The following CNTNAP2 variants were observed in gnomAD, a reference collection of about 807,000 sequenced individuals.
The protein encoded by CNTNAP2 is contactin associated protein 2.
Under a neutral mutation model 155.2 loss-of-function variants are expected in CNTNAP2, and 98 were observed. The observed-to-expected ratio is 0.63, with a 90% CI of 0.54 to 0.75. The LOEUF is 0.75. CNTNAP2 is among the 30% of genes least tolerant of loss of function. CNTNAP2 has a pLI of 0.00. For synonymous variants in CNTNAP2, 651 were observed against 631.2 expected (o/e 1.03, Z -0.47); for missense variants, 1,727 against 1,688.1 (o/e 1.02, Z -0.40).
intron 1 of CNTNAP2, among the ~76,000 whole-genome samples, chr7:146,440,945 T>C (rs1028544482): frequency 2.6e-5 from 4 of 151,694 alleles, no homozygotes; most frequent in African/African-American, 9.8e-5. Flanking sequence ...TGATTGTACA[T>C]TTGGAATGTC....
intron 8 of CNTNAP2, among the ~76,000 whole-genome samples, chr7:147,265,768 G>A (rs186422334): frequency 2.0e-5 from 3 of 152,210 alleles, no homozygotes; most frequent in Non-Finnish European, 4.4e-5. Flanking sequence ...CTGGCATCCG[G>A]TCGGTGCCCC....
At position 147,528,125 on chromosome 7, in the gene CNTNAP2, T is replaced by C. The variant is rs73744142; in HGVS notation, c.1778-34013T>C. ...TGCACCTATATGTGGCCAAGCAGGCTCCCTTTGAGCCCAAGGAAGTCCATG... is the reference window on the plus strand; with the variant it reads ...TGCACCTATATGTGGCCAAGCAGGCCCCCTTTGAGCCCAAGGAAGTCCATG... On this transcript the variant is annotated intron_variant, in intron 11 of 23. Transcript: ENST00000361727. Among the ~76,000 whole-genome samples the C allele has an allele frequency of 7.6e-3, 1,163 of 152,314 alleles. 13 individuals carry two copies. Among genetic ancestry groups the C allele is most frequent in the African/African-American group, 0.027 (1,107 of 41,576 alleles).
At chr7:147,031,529 T>C (rs1799032164) in intron 3 of CNTNAP2, among the ~76,000 whole-genome samples, 1 of 152,222 alleles carries the variant, frequency 6.6e-6, no homozygotes. Flanking sequence ...AATAGAAATG[T>C]GCTACTGATA....
At chr7:146,549,191 A>T (rs1798078223) in intron 1 of CNTNAP2, among the ~76,000 whole-genome samples, 2 of 151,872 alleles carry the variant, frequency 1.3e-5, no homozygotes, top group South Asian at 2.1e-4. Flanking sequence ...TTTCTGAGAG[A>T]TGCATATGCT....
intron 1 of CNTNAP2, among the ~76,000 whole-genome samples, chr7:146,547,823 A>C (rs1798051167): frequency 6.9e-6 from 1 of 145,658 alleles, no homozygotes; most frequent in Admixed American, 6.9e-5. Flanking sequence ...ATAAATGCTC[A>C]CGGTGGAATT....
chr7:148,060,771 C>A (rs758182977), intron 15 of CNTNAP2, among the ~76,000 whole-genome samples: 13 of 152,226 alleles, frequency 8.5e-5, no homozygotes, highest in Middle Eastern at 3.4e-3. Context: ...TGTTATAGAT[C>A]CTCAGCGCTG....
At chr7:146,936,738 T>C (rs999843850) in intron 3 of CNTNAP2, among the ~76,000 whole-genome samples, 1 of 152,108 alleles carries the variant, frequency 6.6e-6, no homozygotes, top group African/African-American at 2.4e-5. Flanking sequence ...GACTGCTGAG[T>C]GTTTAAACTG....
intron 3 of CNTNAP2, among the ~76,000 whole-genome samples, chr7:146,917,766 A>G (rs748444182): frequency 3.3e-5 from 5 of 151,924 alleles, no homozygotes; most frequent in African/African-American, 9.7e-5. Flanking sequence ...TTCCTGTACA[A>G]TTTCTCTCTT....
intron 14 of CNTNAP2, among the ~76,000 whole-genome samples, chr7:147,961,544 G>A (rs1291914022): frequency 1.3e-5 from 2 of 152,136 alleles, no homozygotes; most frequent in Non-Finnish European, 2.9e-5. Context: ...TTTAGGAATG[G>A]CATTATTACA....
intron 13 of CNTNAP2, among the ~76,000 whole-genome samples, chr7:147,859,684 A>C (rs1017999293): frequency 6.6e-6 from 1 of 152,174 alleles, no homozygotes; most frequent in Non-Finnish European, 1.5e-5. Flanking sequence ...TTTCAATCTC[A>C]TCTCTTGACT....
At chr7:146,514,361 C>A (rs1797510834) in intron 1 of CNTNAP2, among the ~76,000 whole-genome samples, 1 of 151,978 alleles carries the variant, frequency 6.6e-6, no homozygotes, top group African/African-American at 2.4e-5. Context: ...GAAAATGACT[C>A]TTACATTTGC....
chr7:147,794,026 T>C (rs1444070906), intron 13 of CNTNAP2, among the ~76,000 whole-genome samples: 1 of 151,994 alleles, frequency 6.6e-6, no homozygotes, highest in Non-Finnish European at 1.5e-5. Context: ...TCTGCAACTT[T>C]GCTAATTTTT....
At chr7:147,837,317 A>G (rs1212426154) in intron 13 of CNTNAP2, among the ~76,000 whole-genome samples, 2 of 152,094 alleles carry the variant, frequency 1.3e-5, no homozygotes, top group Non-Finnish European at 2.9e-5. Flanking sequence ...GATTCATGAG[A>G]CTTATTCACT....
intron 3 of CNTNAP2, among the ~76,000 whole-genome samples, chr7:146,902,686 T>A (rs937874511): frequency 2.0e-5 from 3 of 152,192 alleles, no homozygotes; most frequent in African/African-American, 7.2e-5. Flanking sequence ...CCAGTGAACG[T>A]TAACCTAGTC....
chr7:146,232,911 C>T (rs985225488), intron 1 of CNTNAP2, among the ~76,000 whole-genome samples: 5 of 150,336 alleles, frequency 3.3e-5, no homozygotes, highest in African/African-American at 1.2e-4. Flanking sequence ...CTTTTTCTTA[C>T]TTGGCCCTTA....
chr7:147,399,083 G>A (rs572951361), intron 10 of CNTNAP2, among the ~76,000 whole-genome samples: 30 of 152,114 alleles, frequency 2.0e-4, no homozygotes, highest in Admixed American at 1.8e-3. Flanking sequence ...GACCCAGAGA[G>A]CACAGGCAAC....
At chr7:146,214,121 A>C (rs1360436642) in intron 1 of CNTNAP2, among the ~76,000 whole-genome samples, 1 of 152,198 alleles carries the variant, frequency 6.6e-6, no homozygotes, top group Non-Finnish European at 1.5e-5. Flanking sequence ...AAAATTTTTG[A>C]ATAAGACATT....
Position 146,202,936 on chromosome 7 carries a change from A to G in CNTNAP2, c.97+85963A>G, listed in dbSNP as rs548216008. Among the ~76,000 whole-genome samples, 6 of 152,338 alleles carry G rather than the reference A, an allele frequency of 3.9e-5. No individual in the cohort carries two copies. The South Asian group carries it at 1.2e-3, about 32-fold the overall frequency. ...TAAGCATATTTTGATGTGTAAATAC[A>G]TAAACATCTTAACTATTTTGTAAAT... On this transcript the variant is annotated intron_variant, in intron 1 of 23. Transcript: ENST00000361727.
intron 15 of CNTNAP2, among the ~76,000 whole-genome samples, chr7:147,978,703 T>C (rs974685904): frequency 1.8e-4 from 28 of 152,124 alleles, no homozygotes; most frequent in Non-Finnish European, 2.9e-4. Context: ...ACTGTGGGGA[T>C]TCTGCAGCGA....
Sources: gnomAD v4.1 joint callset for allele counts (sites outside exome capture counted in the v4.1 genomes callset) on GRCh38, gnomAD v4.1.1 for gene constraint, MANE v1.5 for transcripts, NCBI Gene and HGNC (gene_info 2026-07-23, HGNC 2026-07-21) for gene names.